The following SLC25A28 variants were observed in gnomAD, a reference collection of about 807,000 sequenced individuals.
SLC25A28 encodes mitoferrin-2.
A neutral mutation model predicts 31.9 loss-of-function variants in SLC25A28; 10 were observed. The observed-to-expected ratio is 0.31, with a 90% CI of 0.19 to 0.53. The LOEUF is 0.53. Ranked by LOEUF, SLC25A28 falls within the 20% of genes least tolerant of loss-of-function variation. SLC25A28 has a pLI of 0.95. For missense variants in SLC25A28, 256 were observed against 490.3 expected (o/e 0.52, Z 4.51); for synonymous variants, 208 against 203.6 (o/e 1.02, Z -0.19).
At chr10:99,616,678 G>A (rs1296322914) in intron 1 of SLC25A28, 33 of 985,304 alleles carry the variant, frequency 3.3e-5, no homozygotes, top group Non-Finnish European at 4.0e-5. Context: ...GCTTTACTGT[G>A]AAATTCTGTG....
At chr10:99,635,314 C>T in the SLC25A28 span, among the ~76,000 whole-genome samples, 1 of 152,334 alleles carries the variant, frequency 6.6e-6, no homozygotes, top group East Asian at 1.9e-4. Flanking sequence ...CGTTACCTCA[C>T]ATCTCAATAC....
chr10:99,657,415 A>G, the SLC25A28 span, among the ~76,000 whole-genome samples: 1 of 152,186 alleles, frequency 6.6e-6, no homozygotes, highest in East Asian at 1.9e-4. Context: ...GTTAATCCCA[A>G]CTTTATGCAA....
the SLC25A28 span, among the ~76,000 whole-genome samples, chr10:99,655,853 A>G: frequency 6.6e-6 from 1 of 152,208 alleles, no homozygotes; most frequent in Admixed American, 6.5e-5. Flanking sequence ...CTTCAAGCAC[A>G]TGGCCAAGCA....
Position 99,610,758 on chromosome 10 carries a change from C to T in SLC25A28, c.*91G>A, listed in dbSNP as rs946950419. 181 of 1,493,968 alleles carry T rather than the reference C, an allele frequency of 1.2e-4. No homozygotes were observed. The highest frequency in any genetic ancestry group is 1.6e-4 in the Non-Finnish European group (173 of 1,105,450). 92.5% of individuals were successfully genotyped at this position (1,493,968 alleles called of 1,614,324 possible). A position where few individuals can be genotyped will look rare whatever the true frequency, so the allele number is the denominator to read the frequency against. ...GAGAGCCCCTCTACCTTCCTTCTAA[C>T]TCCACTTGAGGTGGGAGCATTCCAG... On this transcript the variant is annotated 3_prime_UTR_variant, in exon 4 of 4. Coordinates refer to ENST00000370495, the MANE Select transcript of SLC25A28 (RefSeq NM_031212.4).
the SLC25A28 span, among the ~76,000 whole-genome samples, chr10:99,645,833 ACT>A: frequency 2.1e-4 from 32 of 152,146 alleles, no homozygotes; most frequent in Admixed American, 2.1e-3. Flanking sequence ...TCCACTCCAG[ACT>A]CTGTTTGCCT....
chr10:99,620,583 GA>G (rs1461957629), upstream of SLC25A28: 1 of 1,011,942 alleles, frequency 9.9e-7, no homozygotes, highest in Non-Finnish European at 1.2e-6. Context: ...CCTCCGCCCT[GA>G]GGCGTTGCTA....
Position 99,611,482 on chromosome 10 carries a change from A to C in SLC25A28, c.578-116T>G, listed in dbSNP as rs1478733308. The C allele has an allele frequency of 2.3e-6, 3 of 1,288,960 alleles. No homozygotes were observed. The highest frequency in any genetic ancestry group is 1.4e-5 in the South Asian group (1 of 70,116). The allele number at this position is 1,288,960 out of a possible 1,614,324, so 79.8% of individuals were successfully genotyped here. On this transcript the variant is annotated intron_variant, in intron 3 of 3. Coordinates refer to ENST00000370495, the MANE Select transcript of SLC25A28 (RefSeq NM_031212.4). This position sits in a 1 kb window ranked among gnomAD's most constrained non-coding sequence, Gnocchi z 5.5. ...AGCCAATGGAATAGAGAGAGAAAAA[A>C]GTATGAGTGAGCTGCTGGCTAACCT...
At chr10:99,640,652 G>A in the SLC25A28 span, among the ~76,000 whole-genome samples, 2 of 151,948 alleles carry the variant, frequency 1.3e-5, no homozygotes, top group African/African-American at 4.8e-5. Flanking sequence ...TGCCATGTTG[G>A]TGTGCTGCAC....
the SLC25A28 span, among the ~76,000 whole-genome samples, chr10:99,632,205 A>AT: frequency 1.3e-5 from 2 of 152,244 alleles, no homozygotes; most frequent in African/African-American, 2.4e-5. Context: ...CCAGTATGTT[A>AT]TTTTTTAAGC....
At chr10:99,658,096 G>A in the SLC25A28 span, among the ~76,000 whole-genome samples, 1 of 152,274 alleles carries the variant, frequency 6.6e-6, no homozygotes, top group East Asian at 1.9e-4. Context: ...GGTTGAGGTG[G>A]GAGGATCGCT....
chr10:99,657,512 CTG>C, the SLC25A28 span, among the ~76,000 whole-genome samples: 2 of 151,746 alleles, frequency 1.3e-5, no homozygotes, highest in South Asian at 2.1e-4. Flanking sequence ...GAAAAAAAAA[CTG>C]AGAACTGAGA....
At chr10:99,617,648 C>T (rs2034689184) in intron 1 of SLC25A28, 2 of 985,454 alleles carry the variant, frequency 2.0e-6, no homozygotes, top group Non-Finnish European at 2.4e-6. Flanking sequence ...CTAAATCATA[C>T]TGGCCTCACC....
the SLC25A28 span, among the ~76,000 whole-genome samples, chr10:99,628,797 G>C: frequency 6.6e-6 from 1 of 152,002 alleles, no homozygotes; most frequent in Admixed American, 6.6e-5. Context: ...CTCTAGCCTG[G>C]GCAAAAAGAG....
the SLC25A28 span, among the ~76,000 whole-genome samples, chr10:99,651,691 C>T: frequency 6.7e-6 from 1 of 150,184 alleles, no homozygotes; most frequent in Non-Finnish European, 1.5e-5. Flanking sequence ...CCCGGGCTCA[C>T]ATGATCCTCT....
chr10:99,619,978 G>A (rs2034744869), intron 1 of SLC25A28, 67 bp downstream of exon 1: 5 of 1,446,722 alleles, frequency 3.5e-6, no homozygotes, highest in Non-Finnish European at 4.6e-6. Flanking sequence ...CCGGGATCCT[G>A]GCTCCGGACA....
the SLC25A28 span, among the ~76,000 whole-genome samples, chr10:99,627,476 C>T: frequency 4.6e-5 from 7 of 150,620 alleles, no homozygotes; most frequent in East Asian, 1.9e-4. Flanking sequence ...GATACTGCTC[C>T]GTCACCCAGG....
the SLC25A28 span, among the ~76,000 whole-genome samples, chr10:99,642,493 T>A: frequency 6.6e-6 from 1 of 152,200 alleles, no homozygotes; most frequent in African/African-American, 2.4e-5. Context: ...TTTCTAAATA[T>A]ACAATCATGT....
At chr10:99,654,681 A>AAG in the SLC25A28 span, among the ~76,000 whole-genome samples, 3 of 119,004 alleles carry the variant, frequency 2.5e-5, no homozygotes, top group South Asian at 8.4e-4. Flanking sequence ...ACAACAACAA[A>AAG]AAGATCACAC....
At chr10:99,639,761 C>T in the SLC25A28 span, among the ~76,000 whole-genome samples, 3 of 86,044 alleles carry the variant, frequency 3.5e-5, no homozygotes, top group Non-Finnish European at 7.5e-5. Context: ...ACACACACAG[C>T]CTAGGCATTT....
Sources: gnomAD v4.1 joint callset for allele counts (sites outside exome capture counted in the v4.1 genomes callset) on GRCh38, gnomAD v4.1.1 for gene constraint, Gnocchi (gnomAD v3.1) non-coding constraint, MANE v1.5 for transcripts, NCBI Gene and HGNC (gene_info 2026-07-23, HGNC 2026-07-21) for gene names.